The following NUDCD1 variants were observed in gnomAD, a reference collection of about 807,000 sequenced individuals.
The protein encoded by NUDCD1 is nudC domain-containing protein 1.
NUDCD1 carries 60 observed loss-of-function variants against 67.8 expected under a neutral mutation model. The ratio of observed to expected loss-of-function variants is 0.88; its 90% confidence interval spans 0.72 to 1.10. The LOEUF is 1.10. Ranked by LOEUF, NUDCD1 falls within the 50% of genes least tolerant of loss-of-function variation. The probability of loss-of-function intolerance (pLI) is 0.00; values close to 1 mark genes in which losing one functional copy is unlikely to be tolerated. For synonymous variants in NUDCD1, 244 were observed against 230.8 expected (o/e 1.06, Z -0.52); for missense variants, 643 against 695.0 (o/e 0.93, Z 0.84).
chr8:109,301,239 G>A (rs1260039163), intron 2 of NUDCD1, among the ~76,000 whole-genome samples: 3 of 152,128 alleles, frequency 2.0e-5, no homozygotes, highest in Non-Finnish European at 4.4e-5. Context: ...CTAACTGATA[G>A]GATATATTCT....
Position 109,333,921 on chromosome 8 carries a change from C to A in NUDCD1, c.90G>T (p.Leu30=), listed in dbSNP as rs570614654. ...FEGYKLSLEP[L]PCYQLELDAA... Reference sequence around the variant, plus strand: ...CGTCAAGCTCCAGCTGGTAACAAGGCAGCGGCTCAAGAGAGAGCTTGTAAC... The same window carrying A: ...CGTCAAGCTCCAGCTGGTAACAAGGAAGCGGCTCAAGAGAGAGCTTGTAAC... Residue 30 remains leucine (L), a synonymous_variant, in exon 1 of 10, where the codon CTG becomes CTT. Transcript: ENST00000239690. 165 of 1,614,184 alleles carry A rather than the reference C, an allele frequency of 1.0e-4. 1 individual carries two copies. The Middle Eastern group carries it at 3.6e-3, about 36-fold the overall frequency.
intron 8 of NUDCD1, among the ~76,000 whole-genome samples, chr8:109,263,281 G>C (rs1473149650): frequency 6.6e-6 from 1 of 151,954 alleles, no homozygotes; most frequent in Non-Finnish European, 1.5e-5. Flanking sequence ...CCAGTACTAT[G>C]GGCAAAATGT....
chr8:109,288,118 A>G (rs968197265), intron 5 of NUDCD1, among the ~76,000 whole-genome samples: 2 of 152,240 alleles, frequency 1.3e-5, no homozygotes, highest in African/African-American at 4.8e-5. Context: ...ATTTTTAAAA[A>G]TTACAACACT....
At chr8:109,285,257 C>A (rs2926276) in intron 5 of NUDCD1, among the ~76,000 whole-genome samples, 1 of 151,908 alleles carries the variant, frequency 6.6e-6, no homozygotes, top group African/African-American at 2.4e-5. Context: ...GGTACCAATT[C>A]TACTGAAACT....
At chr8:109,316,615 T>C (rs1363254039) in intron 2 of NUDCD1, 2 of 152,218 alleles carry the variant, frequency 1.3e-5, no homozygotes, top group African/African-American at 4.8e-5. Context: ...CAACATTCTC[T>C]ACCTGCCTGC....
intron 8 of NUDCD1, among the ~76,000 whole-genome samples, chr8:109,246,123 C>A (rs1170669209): frequency 6.6e-6 from 1 of 152,176 alleles, no homozygotes; most frequent in Non-Finnish European, 1.5e-5. Flanking sequence ...GAAAAACTGT[C>A]TTCCACAAAA....
At chr8:109,276,715 G>A (rs1328700448) in intron 6 of NUDCD1, among the ~76,000 whole-genome samples, 6 of 152,144 alleles carry the variant, frequency 3.9e-5, no homozygotes, top group Non-Finnish European at 5.9e-5. Context: ...GCAGTGCAAT[G>A]GCACAATCTC....
intron 9 of NUDCD1, among the ~76,000 whole-genome samples, chr8:109,244,795 AT>A (rs954539672): frequency 3.9e-5 from 6 of 152,070 alleles, no homozygotes; most frequent in East Asian, 1.9e-4. Context: ...TTTAAAACTG[AT>A]TTTTTTCCTT....
At chr8:109,307,798 C>T (rs1740494655) in intron 2 of NUDCD1, among the ~76,000 whole-genome samples, 1 of 152,038 alleles carries the variant, frequency 6.6e-6, no homozygotes, top group Non-Finnish European at 1.5e-5. Context: ...ATGCAAATGG[C>T]ACCAAAAACG....
chr8:109,312,360 A>G (rs1815278128), intron 2 of NUDCD1, among the ~76,000 whole-genome samples: 4 of 151,670 alleles, frequency 2.6e-5, no homozygotes, highest in Admixed American at 2.6e-4. Flanking sequence ...TTAATAGAAT[A>G]TGATTATCTC....
chr8:109,281,397 A>C (rs1411165830), intron 5 of NUDCD1, among the ~76,000 whole-genome samples: 1 of 152,110 alleles, frequency 6.6e-6, no homozygotes, highest in Non-Finnish European at 1.5e-5. Flanking sequence ...TGAGGAGATA[A>C]AGCACTCATA....
At chr8:109,296,338 T>C (rs1448122703) in intron 3 of NUDCD1, 46 bp downstream of exon 3, 1 of 1,460,404 alleles carries the variant, frequency 6.8e-7, no homozygotes, top group Admixed American at 1.8e-5. Context: ...GGGTGTAATT[T>C]ACATATACTT....
At chr8:109,298,891 G>A (rs986727001) in intron 2 of NUDCD1, 1 of 152,164 alleles carries the variant, frequency 6.6e-6, no homozygotes, top group Non-Finnish European at 1.5e-5. Flanking sequence ...TGAAGGAAGT[G>A]GATTGCTCCT....
intron 2 of NUDCD1, chr8:109,298,946 T>C (rs919634544): frequency 6.6e-6 from 1 of 152,170 alleles, no homozygotes; most frequent in African/African-American, 2.4e-5. Context: ...ACCCAAACTG[T>C]GGAAGTAGGA....
At chr8:109,324,861 C>T (rs940065428) in intron 1 of NUDCD1, among the ~76,000 whole-genome samples, 6 of 152,208 alleles carry the variant, frequency 3.9e-5, no homozygotes, top group Admixed American at 2.0e-4. Flanking sequence ...CCAAGGCGGG[C>T]GGATCACGAG....
Position 109,296,344 on chromosome 8 carries a change from T to G in NUDCD1, c.459+40A>C, listed in dbSNP as rs561043156. On this transcript the variant is annotated intron_variant, in intron 3 of 9. Coordinates refer to ENST00000239690, the MANE Select transcript of NUDCD1 (RefSeq NM_032869.4). ...AAATAAGTAGGGTGTAATTTACATA[T>G]ACTTTCTGGACTTCGCATAAGTCTT... The G allele has an allele frequency of 7.2e-6, 11 of 1,519,254 alleles. No individual in the cohort carries two copies. The African/African-American group carries it at 1.4e-4, about 19-fold the overall frequency. 94.1% of individuals were successfully genotyped at this position (1,519,254 alleles called of 1,614,324 possible). A position where few individuals can be genotyped will look rare whatever the true frequency, so the allele number is the denominator to read the frequency against.
At chr8:109,317,076 T>C (rs1312335231) in intron 2 of NUDCD1, among the ~76,000 whole-genome samples, 1 of 152,206 alleles carries the variant, frequency 6.6e-6, no homozygotes, top group African/African-American at 2.4e-5. Flanking sequence ...TGCAACTTTA[T>C]AGCAGCATAT....
intron 8 of NUDCD1, among the ~76,000 whole-genome samples, chr8:109,270,710 TAC>T (rs1586265867): frequency 1.3e-5 from 2 of 151,548 alleles, no homozygotes; most frequent in East Asian, 3.9e-4. Flanking sequence ...CTTAAGTCCA[TAC>T]TGTTGAATGA....
intron 2 of NUDCD1, among the ~76,000 whole-genome samples, chr8:109,296,952 T>C (rs1814857643): frequency 6.6e-6 from 1 of 152,194 alleles, no homozygotes; most frequent in African/African-American, 2.4e-5. Flanking sequence ...TTCGAAAATG[T>C]ATCCTTTAGT....
Sources: allele counts gnomAD v4.1 joint callset (sites outside exome capture counted in the v4.1 genomes callset), GRCh38; gene constraint gnomAD v4.1.1; transcripts MANE v1.5; gene names NCBI Gene and HGNC (gene_info 2026-07-23, HGNC 2026-07-21).